TESC: variants seen among roughly 807,000 people sequenced by gnomAD.
TESC encodes calcineurin B homologous protein 3.
TESC carries 19 observed loss-of-function variants against 31.0 expected under a neutral mutation model. That is an observed-to-expected ratio of 0.61 (90% confidence interval 0.43 to 0.90). TESC has a LOEUF of 0.90. TESC is among the 40% of genes least tolerant of loss of function. The pLI, the probability that TESC is intolerant of heterozygous loss-of-function variation, is 0.00. For synonymous variants in TESC, 109 were observed against 114.8 expected (o/e 0.95, Z 0.32); for missense variants, 248 against 303.8 (o/e 0.82, Z 1.36).
chr12:117,057,162 C>T (rs1954738154), intron 2 of TESC, among the ~76,000 whole-genome samples: 1 of 152,152 alleles, frequency 6.6e-6, no homozygotes, highest in South Asian at 2.1e-4. Flanking sequence ...TGCAGTGGTG[C>T]GATCATAGCT....
At chr12:117,080,755 C>A (rs566513302) in intron 1 of TESC, among the ~76,000 whole-genome samples, 3 of 152,324 alleles carry the variant, frequency 2.0e-5, no homozygotes, top group Admixed American at 1.3e-4. Context: ...CTGCGCCCCC[C>A]CAACCCCTTC....
Position 117,039,079 on chromosome 12 carries a change from G to T in TESC, c.*54C>A. ...GCCGGGCCTGGGCTGCTCCAGCTAC[G>T]CGGGGAGGCGGCCCCATTGCAAAGT... On this transcript the variant is annotated 3_prime_UTR_variant, in exon 8 of 8. Transcript: ENST00000335209. The T allele has an allele frequency of 2.5e-6, 4 of 1,589,140 alleles. No individual in the cohort carries two copies. The South Asian group carries it at 4.5e-5, about 18-fold the overall frequency.
rs768148714 is a variant in TESC, at chr12:117,062,261, G to A, written c.129-5375C>T. On this transcript the variant is annotated intron_variant, in intron 2 of 7. Coordinates refer to ENST00000335209, the MANE Select transcript of TESC (RefSeq NM_017899.4). ...TTTTGAGACGGAGTCTCACTCTGCC[G>A]CCCAGGCTGGAGCACAGTGGCGTGA... Among the ~76,000 whole-genome samples the A allele has an allele frequency of 8.6e-5, 13 of 151,358 alleles. No individual in the cohort carries two copies. In the East Asian group the frequency reaches 1.6e-3, roughly 18 times the overall value.
In TESC at chr12:117,084,739, G is replaced by A. The variant is rs565944480; in HGVS notation, c.59-9399C>T. ...CTCCCTCCCCTGACTCAGGAGGAAA[G>A]AGAATGTCAGCATGCGCTCCCATCC... On this transcript the variant is annotated intron_variant, in intron 1 of 7. Transcript: ENST00000335209. Among the ~76,000 whole-genome samples the A allele has an allele frequency of 2.1e-4, 32 of 152,324 alleles. No individual in the cohort carries two copies. In the East Asian group the frequency reaches 5.6e-3, roughly 27 times the overall value.
At chr12:117,052,473 G>C (rs1286671317) in intron 3 of TESC, among the ~76,000 whole-genome samples, 1 of 152,226 alleles carries the variant, frequency 6.6e-6, no homozygotes, top group Non-Finnish European at 1.5e-5. Flanking sequence ...GTGCAGGCCA[G>C]AGGAAACCCT....
chr12:117,085,646 G>C (rs1955210503), intron 1 of TESC, among the ~76,000 whole-genome samples: 1 of 152,152 alleles, frequency 6.6e-6, no homozygotes, highest in Non-Finnish European at 1.5e-5. Flanking sequence ...TGAAAGATTG[G>C]CCAGGACTCA....
chr12:117,044,896 C>G (rs990342977), intron 6 of TESC, among the ~76,000 whole-genome samples: 1 of 141,402 alleles, frequency 7.1e-6, no homozygotes, highest in Non-Finnish European at 1.5e-5. Flanking sequence ...GACTTGGTCT[C>G]GGGAAAAAAA....
At chr12:117,075,863 ATATATATGTGTG>A (rs1955048328) in intron 1 of TESC, among the ~76,000 whole-genome samples, 2 of 49,380 alleles carry the variant, frequency 4.1e-5, no homozygotes, top group African/African-American at 1.9e-4. Flanking sequence ...ATATATATAT[ATATATATGTGTG>A]TATATATATA....
chr12:117,054,789 G>A (rs1954697548), intron 3 of TESC, among the ~76,000 whole-genome samples: 1 of 152,112 alleles, frequency 6.6e-6, no homozygotes, highest in Non-Finnish European at 1.5e-5. Context: ...ACCACACCAC[G>A]CCTGTTCCCA....
chr12:117,075,875 GTATATATATATATATATA>G lies in TESC; in HGVS notation c.59-553_59-536del, dbSNP rs528031954. On this transcript the variant is annotated intron_variant, in intron 1 of 7. Transcript: ENST00000335209. ...TATATATATATATATATATATGTGT[GTATATATATATATATATA>G]TATATATATATATATATATATGTGT... Among the ~76,000 whole-genome samples, 31 of 62,524 alleles carry G rather than the reference GTATATATATATATATATA, an allele frequency of 5.0e-4. 1 individual carries two copies. Among genetic ancestry groups the G allele is most frequent in the Middle Eastern group, 0.011 (1 of 90 alleles). The allele number at this position is 62,524 out of a possible 152,430, so 41.0% of individuals were successfully genotyped here.
At position 117,055,146 on chromosome 12, in the gene TESC, CTTTAT is replaced by C. The variant is rs551142678; in HGVS notation, c.209+1655_209+1659del. 2.1e-4 allele frequency among the ~76,000 whole-genome samples: 32 copies of C among 152,288 alleles called. No individual in the cohort carries two copies. The South Asian group carries it at 5.2e-3, about 25-fold the overall frequency. On this transcript the variant is annotated intron_variant, in intron 3 of 7. Coordinates refer to ENST00000335209, the MANE Select transcript of TESC (RefSeq NM_017899.4). The stretch of plus-strand genomic sequence containing the variant: ...TAGGCAAGTGCTATGATTATCTCCA[CTTTAT>C]TTTATTTTGAGACAGAATCTCATTC...
intron 4 of TESC, among the ~76,000 whole-genome samples, chr12:117,047,872 C>G (rs1954590430): frequency 6.6e-6 from 1 of 152,142 alleles, no homozygotes; most frequent in South Asian, 2.1e-4. Context: ...TCCCGAGTAC[C>G]AGGGACCACA....
chr12:117,072,133 A>C (rs1340349816), intron 2 of TESC, among the ~76,000 whole-genome samples: 1 of 152,086 alleles, frequency 6.6e-6, no homozygotes, highest in Non-Finnish European at 1.5e-5. Context: ...ACAGCCTCAT[A>C]TCCTCCTCCT....
chr12:117,043,736 G>A (rs761266313), intron 6 of TESC, among the ~76,000 whole-genome samples: 1 of 152,292 alleles, frequency 6.6e-6, no homozygotes, highest in South Asian at 2.1e-4. Context: ...AAAGTGCTGG[G>A]ATTACAGGTG....
At chr12:117,044,415 G>A (rs1954526979) in intron 6 of TESC, among the ~76,000 whole-genome samples, 1 of 152,188 alleles carries the variant, frequency 6.6e-6, no homozygotes, top group South Asian at 2.1e-4. Flanking sequence ...GGCCTCCCTA[G>A]GTTCCCAGGC....
At chr12:117,087,660 C>A (rs986465640) in intron 1 of TESC, among the ~76,000 whole-genome samples, 4 of 152,204 alleles carry the variant, frequency 2.6e-5, no homozygotes, top group Admixed American at 6.5e-5. Flanking sequence ...CTTTACCATG[C>A]GCCTTATAGC....
chr12:117,039,786 C>A (rs958840952), intron 7 of TESC, among the ~76,000 whole-genome samples: 2 of 152,228 alleles, frequency 1.3e-5, no homozygotes, highest in Non-Finnish European at 2.9e-5. Context: ...CCAAAAAGGT[C>A]ATTTCTACCC....
intron 3 of TESC, among the ~76,000 whole-genome samples, chr12:117,055,521 C>T (rs1954708126): frequency 1.3e-5 from 2 of 152,244 alleles, no homozygotes; most frequent in Admixed American, 6.5e-5. Flanking sequence ...CTGGTAGTCA[C>T]ATCCCTGTGC....
intron 2 of TESC, among the ~76,000 whole-genome samples, chr12:117,066,828 C>T (rs939685138): frequency 2.0e-5 from 3 of 152,120 alleles, no homozygotes; most frequent in African/African-American, 4.8e-5. Flanking sequence ...AAACCCATCA[C>T]GGAAGGCCCT....
Sources: allele counts gnomAD v4.1 joint callset (sites outside exome capture counted in the v4.1 genomes callset), GRCh38; gene constraint gnomAD v4.1.1; transcripts MANE v1.5; gene names NCBI Gene and HGNC (gene_info 2026-07-23, HGNC 2026-07-21).